PRODH2: variants seen among roughly 807,000 people sequenced by gnomAD.
PRODH2 encodes hydroxyproline dehydrogenase.
A neutral mutation model predicts 51.9 loss-of-function variants in PRODH2; 49 were observed. That is an observed-to-expected ratio of 0.94 (90% CI 0.75 to 1.20). The LOEUF (loss-of-function observed/expected upper bound fraction) is 1.20, where lower values mean the gene tolerates loss of function less well. Ranked by LOEUF, PRODH2 falls within the 50% of genes most tolerant of loss-of-function variation. The pLI, the probability that PRODH2 is intolerant of heterozygous loss-of-function variation, is 0.00. For missense variants in PRODH2, 597 were observed against 610.9 expected, an observed-to-expected ratio of 0.98 and a Z score of 0.24; for synonymous variants, 249 against 260.7, an observed-to-expected ratio of 0.96 and a Z score of 0.43.
rs764803878 is a variant in PRODH2 at position 35,806,669 on chromosome 19, G to A, written c.834+6C>T. Reference sequence around the variant, plus strand: ...CAGCCTGTACCTCCTGGAACACACTGCACACCTTTAGACAGGCCTGGTAGG... The same window carrying A: ...CAGCCTGTACCTCCTGGAACACACTACACACCTTTAGACAGGCCTGGTAGG... On this transcript the variant is annotated splice_donor_region_variant and intron_variant, in intron 6 of 9. Coordinates refer to ENST00000653904, the MANE Select transcript of PRODH2 (RefSeq NM_021232.2). 1.2e-6 allele frequency: 2 copies of A among 1,614,036 alleles called. No homozygotes were observed. Among genetic ancestry groups the A allele is most frequent in the Non-Finnish European group, 1.7e-6 (2 of 1,179,898 alleles).
At position 35,812,537 on chromosome 19, in the gene PRODH2, C is replaced by A; in HGVS notation, c.194G>T (p.Arg65Leu). The change falls in exon 2 of 10, where the codon CGA (arginine) becomes CTA (leucine). Residue 65 changes from arginine to leucine, a missense_variant. Arg to Leu is a moderately radical substitution (Grantham distance 102, BLOSUM62 -2). Coordinates refer to ENST00000653904, the MANE Select transcript of PRODH2 (RefSeq NM_021232.2). ...GCCTGAGAGCCGGGAGCCCAGGAGT[C>A]GCCGAGACCAGGCCTGGAGCTGGGT... ...HGLLLQAWSRRLLGSRLSGAF... is the reference protein window; with the variant it reads ...HGLLLQAWSRLLLGSRLSGAF... 1 of 1,613,932 alleles carries A rather than the reference C, an allele frequency of 6.2e-7. No homozygotes were observed. The highest frequency in any genetic ancestry group is 1.3e-5 in the African/African-American group (1 of 75,064).
chr19:35,807,236 C>T (rs774905303), intron 4 of PRODH2, 115 bp from the exon 5 acceptor site: 16 of 979,896 alleles, frequency 1.6e-5, no homozygotes, highest in Non-Finnish European at 2.1e-5. Flanking sequence ...AATCAGGGCT[C>T]GAATCCAGGC....
At chr19:35,808,028 G>A (rs1287351974) in intron 4 of PRODH2, among the ~76,000 whole-genome samples, 2 of 152,152 alleles carry the variant, frequency 1.3e-5, no homozygotes, top group Admixed American at 6.6e-5. Flanking sequence ...TCCCACCTCA[G>A]CCTTCCAAAG....
chr19:35,801,363 G>A (rs1972425155), intron 9 of PRODH2, among the ~76,000 whole-genome samples: 1 of 152,178 alleles, frequency 6.6e-6, no homozygotes, highest in South Asian at 2.1e-4. Context: ...CTACTTGGGA[G>A]GCTGAGGCAG....
At chr19:35,807,262 G>A in intron 4 of PRODH2, 141 bp from the exon 5 acceptor site, 1 of 767,724 alleles carries the variant, frequency 1.3e-6, no homozygotes, top group South Asian at 1.8e-5. Flanking sequence ...CACCTACTGT[G>A]TGACCTTGGG....
intron 4 of PRODH2, among the ~76,000 whole-genome samples, chr19:35,809,325 G>C (rs988914269): frequency 6.6e-6 from 1 of 152,018 alleles, no homozygotes; most frequent in Non-Finnish European, 1.5e-5. Context: ...TGACCTCCTG[G>C]GCTCAAGCGA....
chr19:35,800,578 T>TG (rs1568439842), intron 9 of PRODH2, among the ~76,000 whole-genome samples: 2 of 152,158 alleles, frequency 1.3e-5, no homozygotes, highest in African/African-American at 2.4e-5. Context: ...GGGCTTGGGC[T>TG]GGGGGGACAC....
At position 35,800,197 on chromosome 19, in the gene PRODH2, C is replaced by T. The variant is rs771291084; in HGVS notation, c.1224G>A (p.Lys408=). The T allele has an allele frequency of 8.1e-6, 13 of 1,597,328 alleles. No homozygotes were observed. The Admixed American group carries it at 8.7e-5, about 11-fold the overall frequency. Residue 408 remains lysine, a synonymous_variant, in exon 10 of 10, where the codon AAG becomes AAA. Transcript: ENST00000653904. The stretch of plus-strand genomic sequence containing the variant: ...CCTCCAAGGAGCCATAGGGAATGGA[C>T]TTATACACTACATAGCCGGCCTGCC... ...ALGQAGYVVY[K]SIPYGSLEEV...
At chr19:35,806,335 C>T in intron 7 of PRODH2, 95 bp downstream of exon 7, 1 of 1,466,428 alleles carries the variant, frequency 6.8e-7, no homozygotes, top group South Asian at 1.2e-5. Context: ...TCTCTAGCCT[C>T]AGCCTCCCAA....
At chr19:35,801,948 C>A in intron 9 of PRODH2, 1 of 505,054 alleles carries the variant, frequency 2.0e-6, no homozygotes, top group South Asian at 3.1e-5. Context: ...GGTGTCAGGC[C>A]CTGAGGAGCA....
At position 35,812,509 on chromosome 19, in the gene PRODH2, TGC is replaced by T; in HGVS notation, c.220_221del (p.Ala74IlefsTer14). On this transcript the variant is annotated frameshift_variant, in exon 2 of 10. Transcript: ENST00000653904. LOFTEE classifies it high-confidence loss of function. Reference sequence around the variant, plus strand: ...GCCCATAGACGGATGCTCGGAGAAATGCGCCTGAGAGCCGGGAGCCCAGGAGT... The same window carrying T: ...GCCCATAGACGGATGCTCGGAGAAATGCCTGAGAGCCGGGAGCCCAGGAGT... ...RRLLGSRLSG[A>X]FLRASVYGQF... 6.2e-7 allele frequency: 1 copy of T among 1,614,104 alleles called. No individual in the cohort carries two copies. Among genetic ancestry groups the T allele is most frequent in the Non-Finnish European group, 8.5e-7 (1 of 1,180,006 alleles).
At chr19:35,804,075 G>A (rs185471735) in intron 7 of PRODH2, among the ~76,000 whole-genome samples, 2 of 152,298 alleles carry the variant, frequency 1.3e-5, no homozygotes, top group Admixed American at 6.5e-5. Context: ...TGCTCACCCT[G>A]ACTGTGTTCT....
intron 4 of PRODH2, among the ~76,000 whole-genome samples, chr19:35,808,762 TTC>T (rs1191571859): frequency 6.6e-6 from 1 of 150,976 alleles, no homozygotes; most frequent in Non-Finnish European, 1.5e-5. Flanking sequence ...GCCTGGGTCT[TTC>T]TCTCTTTTCT....
At position 35,806,513 on chromosome 19, in the gene PRODH2, T is replaced by C; in HGVS notation, c.918A>G (p.Ala306=). Residue 306 remains alanine (A), a synonymous_variant, in exon 7 of 10, where the codon GCA becomes GCG. Transcript: ENST00000653904. ...CCACCGCTCTCTCCTTGTCCAGATA[T>C]GCACCTCGTACCAGCTTCACTCCGA... The part of the protein sequence containing the change: ...LAFGVKLVRG[A]YLDKERAVAQ... 1 of 1,614,130 alleles carries C rather than the reference T, an allele frequency of 6.2e-7. No individual in the cohort carries two copies. The highest frequency in any genetic ancestry group is 8.5e-7 in the Non-Finnish European group (1 of 1,180,018).
intron 9 of PRODH2, 38 bp downstream of exon 9, chr19:35,802,153 C>A: frequency 6.3e-7 from 1 of 1,589,808 alleles, no homozygotes. Flanking sequence ...GGGAGTAAGG[C>A]CTGGGGCTTG....
intron 7 of PRODH2, among the ~76,000 whole-genome samples, chr19:35,804,249 G>A (rs1457387160): frequency 1.3e-5 from 2 of 152,110 alleles, no homozygotes; most frequent in South Asian, 2.1e-4. Flanking sequence ...GTGCAGTGGC[G>A]TGATCTCGGC....
intron 4 of PRODH2, among the ~76,000 whole-genome samples, chr19:35,808,507 C>G (rs977825546): frequency 6.6e-6 from 1 of 152,108 alleles, no homozygotes; most frequent in Non-Finnish European, 1.5e-5. Context: ...CTGGTTTCCT[C>G]CTCCCCTGTC....
rs150525983 is a variant in PRODH2 at position 35,811,777 on chromosome 19, C to T, written c.597+185G>A. 8.2e-4 allele frequency among the ~76,000 whole-genome samples: 125 copies of T among 152,284 alleles called. 1 individual carries two copies. The highest frequency in any genetic ancestry group is 2.6e-3 in the African/African-American group (110 of 41,542). ...TCTGAGAGCCTCCAGCCTCCAGGCT[C>T]CTCCCTGAGAACCCAGATGACCCTG... On this transcript the variant is annotated intron_variant, in intron 4 of 9. Transcript: ENST00000653904.
chr19:35,804,164 C>T (rs1267374460), intron 7 of PRODH2, among the ~76,000 whole-genome samples: 2 of 152,192 alleles, frequency 1.3e-5, no homozygotes, highest in Non-Finnish European at 2.9e-5. Flanking sequence ...CTAATAGCTT[C>T]CCTGACTTTG....
Sources: gnomAD v4.1 joint callset for allele counts (sites outside exome capture counted in the v4.1 genomes callset) on GRCh38, gnomAD v4.1.1 for gene constraint, MANE v1.5 for transcripts, NCBI Gene and HGNC (gene_info 2026-07-23, HGNC 2026-07-21) for gene names.